Variants in CSMD1 observed in about 807,000 individuals in gnomAD.
CSMD1 encodes CUB and sushi domain-containing protein 1.
CSMD1 carries 213 observed loss-of-function variants against 417.5 expected under a neutral mutation model. That is an observed-to-expected ratio of 0.51 (90% CI 0.46 to 0.57). The LOEUF is 0.57. CSMD1 is among the 20% of genes least tolerant of loss of function. The pLI is 0.00. For missense variants in CSMD1, 6,923 were observed against 4,529.7 expected (o/e 1.53, Z -15.17); for synonymous variants, 2,862 against 1,736.8 (o/e 1.65, Z -16.11).
chr8:4,817,889 C>T (rs186484917), intron 1 of CSMD1, among the ~76,000 whole-genome samples: 81 of 152,242 alleles, frequency 5.3e-4, no homozygotes, highest in African/African-American at 1.8e-3. Context: ...CAGCAAAGAA[C>T]ATTAGAACAA....
At chr8:3,053,264 G>T (rs963156579) in intron 49 of CSMD1, among the ~76,000 whole-genome samples, 2 of 152,060 alleles carry the variant, frequency 1.3e-5, no homozygotes, top group African/African-American at 2.4e-5. Context: ...TTTATCAGAG[G>T]GTGTGGCCAC....
At chr8:3,971,382 G>T (rs553648166) in intron 5 of CSMD1, among the ~76,000 whole-genome samples, 1 of 152,066 alleles carries the variant, frequency 6.6e-6, no homozygotes. Flanking sequence ...AATGACGACT[G>T]TCCCTATTAA....
At chr8:4,059,917 G>A (rs1032760571) in intron 3 of CSMD1, among the ~76,000 whole-genome samples, 3 of 151,964 alleles carry the variant, frequency 2.0e-5, no homozygotes, top group African/African-American at 4.8e-5. Context: ...AATAGAAAAA[G>A]AGGGAATCCT....
intron 37 of CSMD1, 45 bp downstream of exon 37, chr8:3,181,065 C>G (rs1180013491): frequency 2.6e-6 from 3 of 1,157,326 alleles, no homozygotes; most frequent in East Asian, 2.4e-5. Context: ...AAAAAAATGA[C>G]TCAGTATAAC....
intron 62 of CSMD1, among the ~76,000 whole-genome samples, chr8:2,960,340 G>C (rs111508518): frequency 0.014 from 2,152 of 152,312 alleles, 52 homozygotes; most frequent in African/African-American, 0.049. Flanking sequence ...CTGTGTCCGA[G>C]CGAGAACAAT....
At chr8:3,893,941 G>A (rs796534591) in intron 5 of CSMD1, among the ~76,000 whole-genome samples, 8 of 152,016 alleles carry the variant, frequency 5.3e-5, no homozygotes, top group African/African-American at 1.9e-4. Context: ...CCGCACGTGT[G>A]CACCCAGAGG....
intron 1 of CSMD1, among the ~76,000 whole-genome samples, chr8:4,656,315 G>A (rs1364030061): frequency 6.6e-6 from 1 of 152,012 alleles, no homozygotes; most frequent in Non-Finnish European, 1.5e-5. Context: ...ACATCTGAGA[G>A]GCAACCTTCA....
chr8:4,232,541 G>C (rs1055673873), intron 3 of CSMD1, among the ~76,000 whole-genome samples: 1 of 152,128 alleles, frequency 6.6e-6, no homozygotes, highest in Non-Finnish European at 1.5e-5. Context: ...AAGAATAATT[G>C]ACTTGGCTTT....
At chr8:4,039,932 C>G (rs1459906042) in intron 3 of CSMD1, among the ~76,000 whole-genome samples, 2 of 152,154 alleles carry the variant, frequency 1.3e-5, no homozygotes, top group African/African-American at 4.8e-5. Flanking sequence ...GTAAAGCTTA[C>G]TCTTGGGTTT....
At chr8:3,252,089 C>G (rs899123287) in intron 26 of CSMD1, among the ~76,000 whole-genome samples, 1 of 152,204 alleles carries the variant, frequency 6.6e-6, no homozygotes, top group Non-Finnish European at 1.5e-5. Context: ...CCAGAACTTC[C>G]AACACTATGT....
chr8:3,691,975 G>A (rs568403166), intron 7 of CSMD1, among the ~76,000 whole-genome samples: 27 of 152,210 alleles, frequency 1.8e-4, no homozygotes, highest in African/African-American at 6.5e-4. Context: ...CTGAATGACG[G>A]TCTTTGTCCA....
chr8:4,920,892 A>AGAG (rs1204094011), intron 1 of CSMD1, among the ~76,000 whole-genome samples: 1 of 78,026 alleles, frequency 1.3e-5, no homozygotes, highest in South Asian at 6.2e-4. Context: ...AAAAGAAAAG[A>AGAG]AAAGAAAAGA....
intron 3 of CSMD1, among the ~76,000 whole-genome samples, chr8:4,418,024 T>A (rs967527229): frequency 1.3e-5 from 2 of 152,068 alleles, no homozygotes; most frequent in Non-Finnish European, 2.9e-5. Context: ...TAACGCACAC[T>A]CATTTTTGCA....
intron 25 of CSMD1, among the ~76,000 whole-genome samples, chr8:3,292,742 C>A (rs1229171038): frequency 6.6e-6 from 1 of 152,106 alleles, no homozygotes; most frequent in Non-Finnish European, 1.5e-5. Context: ...GATGGGTTTC[C>A]TGAATAGAGC....
At chr8:4,186,251 G>A (rs1027605284) in intron 3 of CSMD1, among the ~76,000 whole-genome samples, 5 of 152,166 alleles carry the variant, frequency 3.3e-5, no homozygotes, top group African/African-American at 9.7e-5. Context: ...ACTCACTGCA[G>A]CAGAGGGGAA....
chr8:4,084,248 A>G (rs1800301333), intron 3 of CSMD1, among the ~76,000 whole-genome samples: 1 of 152,150 alleles, frequency 6.6e-6, no homozygotes, highest in Non-Finnish European at 1.5e-5. Context: ...TTACTACAAA[A>G]TAAATAAAAG....
rs114536032 is a variant in CSMD1 at position 4,882,070 on chromosome 8, A to C, written c.85+112262T>G. 3.0e-3 allele frequency among the ~76,000 whole-genome samples: 454 copies of C among 152,170 alleles called. 3 individuals are homozygous for C. The highest frequency in any genetic ancestry group is 8.6e-3 in the African/African-American group (356 of 41,456). The stretch of plus-strand genomic sequence containing the variant: ...CTGAATTTCTGTTTTCTTATTTAGA[A>C]AGTACGAATAATAAGCCCTCATTTA... On this transcript the variant is annotated intron_variant, in intron 1 of 69. Coordinates refer to ENST00000635120, the MANE Select transcript of CSMD1 (RefSeq NM_033225.6).
chr8:3,289,038 C>T (rs1803360186), intron 25 of CSMD1, among the ~76,000 whole-genome samples: 1 of 146,820 alleles, frequency 6.8e-6, no homozygotes, highest in Admixed American at 6.7e-5. Flanking sequence ...CGTGTGTTCT[C>T]ATTGTTCAAT....
intron 1 of CSMD1, among the ~76,000 whole-genome samples, chr8:4,681,249 T>C (rs1046145309): frequency 7.9e-5 from 12 of 152,142 alleles, no homozygotes; most frequent in African/African-American, 2.7e-4. Flanking sequence ...TAGATATCGA[T>C]ATGAATAAAT....
Sources: gnomAD v4.1 joint callset for allele counts (sites outside exome capture counted in the v4.1 genomes callset) on GRCh38, gnomAD v4.1.1 for gene constraint, MANE v1.5 for transcripts, NCBI Gene and HGNC (gene_info 2026-07-23, HGNC 2026-07-21) for gene names.